Variants in CFAP221 observed in about 807,000 individuals in gnomAD.
CFAP221 encodes cilia- and flagella-associated protein 221.
In CFAP221, 97 loss-of-function variants were observed where a neutral mutation model predicts 113.1. The ratio of observed to expected loss-of-function variants is 0.86; its 90% CI spans 0.73 to 1.02. CFAP221 has a LOEUF of 1.02. Ranked by LOEUF, CFAP221 falls within the 50% of genes least tolerant of loss-of-function variation. CFAP221 has a pLI of 0.00. For missense variants in CFAP221, 1,025 were observed against 1,013.4 expected, an observed-to-expected ratio of 1.01 and a Z score of -0.16; for synonymous variants, 331 against 354.4, an observed-to-expected ratio of 0.93 and a Z score of 0.74.
chr2:119,563,457 T>A (rs1404037453), intron 6 of CFAP221, among the ~76,000 whole-genome samples: 3 of 152,172 alleles, frequency 2.0e-5, no homozygotes, highest in African/African-American at 7.2e-5. Context: ...GTTAAAATAT[T>A]TAAATACTTC....
At chr2:119,581,572 T>C (rs936018524) in intron 6 of CFAP221, among the ~76,000 whole-genome samples, 16 of 152,134 alleles carry the variant, frequency 1.1e-4, no homozygotes, top group African/African-American at 3.6e-4. Context: ...AATTAGGGGG[T>C]ACGGAAGCTA....
At chr2:119,631,777 G>A (rs1358078517) in intron 19 of CFAP221, among the ~76,000 whole-genome samples, 1 of 152,010 alleles carries the variant, frequency 6.6e-6, no homozygotes, top group Non-Finnish European at 1.5e-5. Flanking sequence ...TAACTGATCA[G>A]GAAAAAAGGC....
At chr2:119,640,226 A>AG (rs201431215) in intron 21 of CFAP221, among the ~76,000 whole-genome samples, 1 of 149,290 alleles carries the variant, frequency 6.7e-6, no homozygotes, top group Non-Finnish European at 1.5e-5. Flanking sequence ...AAAAAAAAAA[A>AG]GGAAAAAAAA....
At chr2:119,650,752 C>G (rs1688081078) in intron 22 of CFAP221, among the ~76,000 whole-genome samples, 1 of 152,144 alleles carries the variant, frequency 6.6e-6, no homozygotes, top group Admixed American at 6.5e-5. Context: ...TGCAAAGCGC[C>G]AGCATAGTGA....
At chr2:119,609,261 CAGGAGTCTGCTGGGGCT>C (rs1369967892) in intron 12 of CFAP221, among the ~76,000 whole-genome samples, 1 of 152,184 alleles carries the variant, frequency 6.6e-6, no homozygotes, top group Non-Finnish European at 1.5e-5. Flanking sequence ...CCAGAGGAGA[CAGGAGTCTGCTGGGGCT>C]CTGTGTCTGA....
rs758228292 is a variant in CFAP221, at chr2:119,629,895, G to T, written c.1671G>T (p.Leu557=). 1.2e-6 allele frequency: 2 copies of T among 1,613,442 alleles called. No individual in the cohort carries two copies. The highest frequency in any genetic ancestry group is 4.5e-5 in the East Asian group (2 of 44,876). ...SNELAPDGLG[L]VPIKSSEVQI... is the part of the protein sequence containing the mutation. Reference sequence around the variant, plus strand: ...TTTAGGCTCCTGATGGCCTTGGACTGGTCCCAATTAAGTCTTCAGAAGTTC... The same window carrying T: ...TTTAGGCTCCTGATGGCCTTGGACTTGTCCCAATTAAGTCTTCAGAAGTTC... The change falls in exon 17 of 24, where the codon CTG becomes CTT. Residue 557 remains leucine, a synonymous_variant. Coordinates refer to ENST00000413369, the MANE Select transcript of CFAP221 (RefSeq NM_001271049.2).
chr2:119,550,062 C>A (rs1047888367), intron 3 of CFAP221, among the ~76,000 whole-genome samples: 1 of 152,148 alleles, frequency 6.6e-6, no homozygotes, highest in Non-Finnish European at 1.5e-5. Flanking sequence ...TACTCCAGTT[C>A]GGCCCTAGAT....
intron 13 of CFAP221, among the ~76,000 whole-genome samples, chr2:119,613,434 C>A (rs1163061950): frequency 1.3e-5 from 2 of 152,266 alleles, no homozygotes; most frequent in Non-Finnish European, 2.9e-5. Context: ...CTTCTGCCTG[C>A]ACATCCAGGT....
intron 19 of CFAP221, among the ~76,000 whole-genome samples, chr2:119,631,395 C>T (rs576517319): frequency 2.8e-4 from 43 of 152,232 alleles, no homozygotes; most frequent in African/African-American, 1.0e-3. Flanking sequence ...TGAAATAGGC[C>T]GGGCACAGTG....
chr2:119,547,535 G>C (rs1417609708), intron 2 of CFAP221, among the ~76,000 whole-genome samples: 1 of 151,858 alleles, frequency 6.6e-6, no homozygotes, highest in Admixed American at 6.6e-5. Context: ...CTCCAGTCAG[G>C]GCAACAGAGC....
chr2:119,552,352 AATAAAT>A (rs1175333772), intron 3 of CFAP221, among the ~76,000 whole-genome samples: 1 of 133,922 alleles, frequency 7.5e-6, no homozygotes, highest in African/African-American at 2.7e-5. Context: ...TTTAATAAGA[AATAAAT>A]AGAAATATTT....
chr2:119,647,455 A>C (rs751580117), intron 22 of CFAP221, among the ~76,000 whole-genome samples: 4 of 152,222 alleles, frequency 2.6e-5, no homozygotes, highest in Non-Finnish European at 5.9e-5. Flanking sequence ...AGCCAGTGAA[A>C]TGGTTTTGAA....
rs754286356 is a variant in CFAP221, at chr2:119,656,481, T to G, written c.*11T>G. On this transcript the variant is annotated 3_prime_UTR_variant, in exon 24 of 24. Transcript: ENST00000413369. ...CTGATTCTAGAATGAAAGTCACCAG[T>G]AGGTCAGTCCCTTCCATTTGCTTTC... The G allele has an allele frequency of 6.3e-7, 1 of 1,598,112 alleles. No homozygotes were observed. Among genetic ancestry groups the G allele is most frequent in the Non-Finnish European group, 8.6e-7 (1 of 1,165,766 alleles).
chr2:119,584,180 C>T (rs1318667142), intron 6 of CFAP221, among the ~76,000 whole-genome samples: 1 of 151,996 alleles, frequency 6.6e-6, no homozygotes, highest in Non-Finnish European at 1.5e-5. Context: ...AAACTGACTA[C>T]CTTAAAATTA....
intron 11 of CFAP221, among the ~76,000 whole-genome samples, chr2:119,606,169 AAT>A (rs754933945): frequency 7.6e-5 from 10 of 131,820 alleles, no homozygotes; most frequent in South Asian, 2.4e-4. Context: ...ATGCCCAGCA[AAT>A]TTTTTTTTTT....
chr2:119,608,679 A>G (rs1230463392), intron 12 of CFAP221, 90 bp downstream of exon 12: 1 of 1,118,232 alleles, frequency 8.9e-7, no homozygotes, highest in African/African-American at 1.6e-5. Context: ...AGGAAAACCC[A>G]CAGTTAAGTT....
chr2:119,559,346 G>A (rs1009575976), intron 3 of CFAP221, among the ~76,000 whole-genome samples: 2 of 151,948 alleles, frequency 1.3e-5, no homozygotes, highest in African/African-American at 2.4e-5. Context: ...CGATTGAATC[G>A]CAGGACTAAA....
intron 6 of CFAP221, among the ~76,000 whole-genome samples, chr2:119,563,813 A>G (rs546167205): frequency 6.6e-6 from 1 of 152,208 alleles, no homozygotes; most frequent in African/African-American, 2.4e-5. Flanking sequence ...AGAACAACTC[A>G]TACAGGAGGT....
intron 3 of CFAP221, among the ~76,000 whole-genome samples, chr2:119,553,890 G>A (rs1228409634): frequency 1.3e-5 from 2 of 152,126 alleles, no homozygotes; most frequent in Non-Finnish European, 2.9e-5. Flanking sequence ...TGAAGGATGT[G>A]GAACTCACTT....
Sources: gnomAD v4.1 joint callset for allele counts (sites outside exome capture counted in the v4.1 genomes callset) on GRCh38, gnomAD v4.1.1 for gene constraint, MANE v1.5 for transcripts, NCBI Gene and HGNC (gene_info 2026-07-23, HGNC 2026-07-21) for gene names.